The following MYO16 variants were observed in gnomAD, a reference collection of about 807,000 sequenced individuals.
MYO16 encodes myosin XVI.
Under a neutral mutation model 205.3 loss-of-function variants are expected in MYO16, and 94 were observed. The observed-to-expected ratio is 0.46, with a 90% CI of 0.39 to 0.54. The LOEUF (loss-of-function observed/expected upper bound fraction) is 0.54. Among genes scored for constraint, MYO16 ranks in the 20% least tolerant of loss-of-function variants. The pLI, the probability that MYO16 is intolerant of heterozygous loss-of-function variation, is 0.00. For missense variants in MYO16, 2,315 were observed against 2,387.5 expected (o/e 0.97, Z 0.63); for synonymous variants, 988 against 954.0 (o/e 1.04, Z -0.66).
upstream of MYO16, among the ~76,000 whole-genome samples, chr13:108,626,196 T>C (rs1439366749): frequency 2.0e-5 from 3 of 152,226 alleles, no homozygotes; most frequent in Middle Eastern, 3.4e-3. Flanking sequence ...AGAAATAGTG[T>C]GAATAATGAG....
At chr13:108,618,973 C>T (rs2139331386) in intron 1 of MYO16, among the ~76,000 whole-genome samples, 1 of 152,120 alleles carries the variant, frequency 6.6e-6, no homozygotes, top group African/African-American at 2.4e-5. Context: ...CTAGAAAGTT[C>T]CCTAGAGCCC....
the MYO16 span, among the ~76,000 whole-genome samples, chr13:108,538,238 G>A: frequency 1.3e-5 from 2 of 152,074 alleles, no homozygotes; most frequent in African/African-American, 4.8e-5. Flanking sequence ...AAGGTTCAAG[G>A]TGGGATCAGA....
intron 1 of MYO16, among the ~76,000 whole-genome samples, chr13:108,653,365 T>C (rs1024671968): frequency 2.0e-5 from 3 of 152,282 alleles, no homozygotes; most frequent in African/African-American, 7.2e-5. Flanking sequence ...TTATGTACTT[T>C]TATGCACAGA....
the MYO16 span, among the ~76,000 whole-genome samples, chr13:108,579,691 G>A: frequency 1.1e-4 from 16 of 152,100 alleles, no homozygotes; most frequent in African/African-American, 3.1e-4. Context: ...CACCTGCCTC[G>A]GCCTCCCAAA....
intron 4 of MYO16, among the ~76,000 whole-genome samples, chr13:108,774,973 T>C (rs1886080197): frequency 2.0e-5 from 3 of 152,202 alleles, no homozygotes; most frequent in Admixed American, 6.5e-5. Context: ...TTAGAAAATG[T>C]AGAGTGATTG....
intron 34 of MYO16, among the ~76,000 whole-genome samples, chr13:109,190,011 A>G (rs947286970): frequency 5.3e-5 from 8 of 151,980 alleles, no homozygotes; most frequent in East Asian, 1.9e-4. Context: ...GAATTAGACT[A>G]TAGTAGGCTT....
At chr13:108,564,526 G>A in the MYO16 span, among the ~76,000 whole-genome samples, 2 of 152,174 alleles carry the variant, frequency 1.3e-5, no homozygotes, top group Middle Eastern at 6.8e-3. Flanking sequence ...AGTTGTTTGA[G>A]CTCTTTATGT....
chr13:108,675,984 C>T (rs889537577), intron 2 of MYO16, among the ~76,000 whole-genome samples: 6 of 152,266 alleles, frequency 3.9e-5, no homozygotes, highest in Admixed American at 3.9e-4. Context: ...ATGCAAATAC[C>T]TGCAAAGGAA....
chr13:108,630,587 A>C (rs1594157877), intron 1 of MYO16, among the ~76,000 whole-genome samples: 2 of 152,236 alleles, frequency 1.3e-5, no homozygotes, highest in East Asian at 3.8e-4. Flanking sequence ...ATTTATCCAA[A>C]AATGGCTTGC....
intron 4 of MYO16, among the ~76,000 whole-genome samples, chr13:108,743,983 T>A (rs1200842989): frequency 6.6e-6 from 1 of 152,250 alleles, no homozygotes; most frequent in Non-Finnish European, 1.5e-5. Flanking sequence ...CAAGCTGCCC[T>A]TGCTATGTCA....
chr13:109,128,267 G>C (rs34062957), intron 31 of MYO16, among the ~76,000 whole-genome samples: 8,632 of 152,246 alleles, frequency 0.057, 334 homozygotes, highest in Non-Finnish European at 0.087. Context: ...TTACATTCTA[G>C]TGCGGCAAAA....
intron 16 of MYO16, among the ~76,000 whole-genome samples, chr13:108,918,933 ACT>A (rs1368328208): frequency 1.4e-5 from 2 of 145,492 alleles, no homozygotes; most frequent in Admixed American, 7.1e-5. Context: ...CAAGAGCGAG[ACT>A]CTGTCTCAGA....
At chr13:109,194,815 T>C (rs138541082) in intron 34 of MYO16, among the ~76,000 whole-genome samples, 29 of 152,260 alleles carry the variant, frequency 1.9e-4, no homozygotes, top group African/African-American at 6.5e-4. Flanking sequence ...GCAAATTATA[T>C]AGACAGATTT....
chr13:108,811,507 G>A (rs1388072856), intron 7 of MYO16, among the ~76,000 whole-genome samples: 3 of 150,560 alleles, frequency 2.0e-5, no homozygotes, highest in Non-Finnish European at 4.4e-5. Context: ...TATACCCAGG[G>A]GCTGTCTCTT....
chr13:108,525,257 A>G, the MYO16 span, among the ~76,000 whole-genome samples: 1 of 152,198 alleles, frequency 6.6e-6, no homozygotes, highest in African/African-American at 2.4e-5. Flanking sequence ...ATTTTGTTTT[A>G]TGTATAGACT....
At chr13:108,560,081 C>CA in the MYO16 span, among the ~76,000 whole-genome samples, 2 of 152,120 alleles carry the variant, frequency 1.3e-5, no homozygotes, top group Non-Finnish European at 2.9e-5. Context: ...TATGCACCTG[C>CA]AGTGTTCTCT....
At chr13:109,174,748 C>CTTTTTTTTTTT (rs34606084) in intron 33 of MYO16, among the ~76,000 whole-genome samples, 1 of 85,630 alleles carries the variant, frequency 1.2e-5, no homozygotes, top group Non-Finnish European at 2.5e-5. Context: ...CTTGTCTTGT[C>CTTTTTTTTTTT]TTTTTTTTTT....
At chr13:108,587,436 C>T in the MYO16 span, among the ~76,000 whole-genome samples, 3 of 152,038 alleles carry the variant, frequency 2.0e-5, no homozygotes, top group Non-Finnish European at 2.9e-5. Flanking sequence ...GACAATTGAG[C>T]TAGTTTCATC....
At chr13:109,057,734 C>T (rs277834) in intron 27 of MYO16, among the ~76,000 whole-genome samples, 99,800 of 151,498 alleles carry the variant, frequency 0.66, 33,467 homozygotes, top group East Asian at 0.87. Flanking sequence ...TTTAAAAATG[C>T]TCTTGTGTAA....
Sources: allele counts gnomAD v4.1 joint callset (sites outside exome capture counted in the v4.1 genomes callset), GRCh38; gene constraint gnomAD v4.1.1; transcripts MANE v1.5; gene names NCBI Gene and HGNC (gene_info 2026-07-23, HGNC 2026-07-21).